The following PCDHGA9 variants were observed in gnomAD, a reference collection of about 807,000 sequenced individuals.
The protein encoded by PCDHGA9 is protocadherin gamma subfamily A, 9.
PCDHGA9 carries 37 observed loss-of-function variants against 62.5 expected under a neutral mutation model. The ratio of observed to expected loss-of-function variants is 0.59; its 90% CI spans 0.46 to 0.78. PCDHGA9 has a LOEUF of 0.78. Ranked by LOEUF, PCDHGA9 falls within the 30% of genes least tolerant of loss-of-function variation. The pLI, the probability that PCDHGA9 is intolerant of heterozygous loss-of-function variation, is 0.00. For missense variants in PCDHGA9, 1,138 were observed against 1,166.2 expected (o/e 0.98, Z 0.35); for synonymous variants, 459 against 484.6 (o/e 0.95, Z 0.69).
intron 1 of PCDHGA9, among the ~76,000 whole-genome samples, chr5:141,458,063 G>A (rs1011861177): frequency 1.3e-5 from 2 of 152,190 alleles, no homozygotes; most frequent in African/African-American, 4.8e-5. Context: ...CTGCACTGAT[G>A]CGAACAACTA....
intron 2 of PCDHGA9, among the ~76,000 whole-genome samples, chr5:141,501,620 T>G (rs1393018933): frequency 6.6e-6 from 1 of 152,090 alleles, no homozygotes; most frequent in Non-Finnish European, 1.5e-5. Context: ...GACTCTGGTA[T>G]AGTCTCTCAA....
At position 141,408,734 on chromosome 5, in the gene PCDHGA9, T is replaced by C. The variant is rs376769558; in HGVS notation, c.2424+3358T>C. 1.5e-4 allele frequency: 244 copies of C among 1,610,058 alleles called. No homozygotes were observed. The highest frequency in any genetic ancestry group is 1.9e-4 in the Non-Finnish European group (226 of 1,177,812). On this transcript the variant is annotated intron_variant, in intron 1 of 3. Transcript: ENST00000573521. ...TTATAAGATAAACTCTAATCCTTAT[T>C]TTTCATTAATGGTTAGAGTTAATTC...
chr5:141,405,467 T>G lies in PCDHGA9; in HGVS notation c.2424+91T>G. On this transcript the variant is annotated intron_variant, in intron 1 of 3. Transcript: ENST00000573521. The stretch of plus-strand genomic sequence containing the variant: ...CAGAGTCTTACTCTGTTACCCAGGC[T>G]GGAATGCAGTGGTGTGATCTCGGCT... 3.6e-6 allele frequency: 4 copies of G among 1,103,716 alleles called. No individual in the cohort carries two copies. The South Asian group carries it at 6.1e-5, about 17-fold the overall frequency. 68.4% of individuals were successfully genotyped at this position (1,103,716 alleles called of 1,614,324 possible). A position where few individuals can be genotyped will look rare whatever the true frequency, so the allele number is the denominator to read the frequency against.
intron 1 of PCDHGA9, among the ~76,000 whole-genome samples, chr5:141,447,082 T>A (rs1259827606): frequency 6.6e-6 from 1 of 152,156 alleles, no homozygotes; most frequent in Non-Finnish European, 1.5e-5. Flanking sequence ...ATTTTTGTTG[T>A]TTAATTTTCT....
intron 1 of PCDHGA9, chr5:141,478,834 A>G: frequency 7.0e-7 from 1 of 1,427,896 alleles, no homozygotes; most frequent in Non-Finnish European, 9.2e-7. Context: ...TTGCTAAGGG[A>G]TGGTTAAGCT....
intron 2 of PCDHGA9, among the ~76,000 whole-genome samples, chr5:141,500,881 T>G (rs940387787): frequency 1.0e-5 from 1 of 99,136 alleles, no homozygotes; most frequent in Non-Finnish European, 1.9e-5. Context: ...TTTACAATTT[T>G]TTTTTTTTGA....
chr5:141,449,588 CAAA>C (rs768743917), intron 1 of PCDHGA9, among the ~76,000 whole-genome samples: 1 of 57,486 alleles, frequency 1.7e-5, no homozygotes, highest in Non-Finnish European at 3.7e-5. Context: ...GACTCTGTCT[CAAA>C]AAAAAAAAAA....
At chr5:141,441,920 A>G (rs1276085080) in intron 1 of PCDHGA9, 8 of 352,988 alleles carry the variant, frequency 2.3e-5, no homozygotes, top group East Asian at 8.9e-5. Context: ...GTGAGACACA[A>G]TGCGTGGCTG....
chr5:141,413,842 G>C, intron 1 of PCDHGA9: 1 of 1,613,294 alleles, frequency 6.2e-7, no homozygotes, highest in Non-Finnish European at 8.5e-7. Flanking sequence ...CGACGGGGGT[G>C]ACCCTCTCCG....
At position 141,491,724 on chromosome 5, in the gene PCDHGA9, G is replaced by A; in HGVS notation, c.2425-3083G>A. ...AGGTGAGGGGCTCGGCGCCGCCCCGGGCGACCCCTGGGGGCGGCACTGGAG... is the reference window on the plus strand; with the variant it reads ...AGGTGAGGGGCTCGGCGCCGCCCCGAGCGACCCCTGGGGGCGGCACTGGAG... On this transcript the variant is annotated intron_variant, in intron 1 of 3. Coordinates refer to ENST00000573521, the MANE Select transcript of PCDHGA9 (RefSeq NM_018921.3). This position sits in a 1 kb window ranked among gnomAD's most constrained non-coding sequence, Gnocchi z 6.9. 1 of 1,606,454 alleles carries A rather than the reference G, an allele frequency of 6.2e-7. No individual in the cohort carries two copies. The highest frequency in any genetic ancestry group is 1.1e-5 in the South Asian group (1 of 90,304).
Position 141,485,495 on chromosome 5 carries a change from T to C in PCDHGA9, c.2425-9312T>C. 1 of 1,613,494 alleles carries C rather than the reference T, an allele frequency of 6.2e-7. No homozygotes were observed. Among genetic ancestry groups the C allele is most frequent in the African/African-American group, 1.3e-5 (1 of 74,780 alleles). On this transcript the variant is annotated intron_variant, in intron 1 of 3. Coordinates refer to ENST00000573521, the MANE Select transcript of PCDHGA9 (RefSeq NM_018921.3). This position sits in a 1 kb window ranked among gnomAD's most constrained non-coding sequence, Gnocchi z 5.7. ...TGCCAGCTGCATCGTGCCCCTGGAG[T>C]TTGTCACCGAAGGTCCTTTGGAAAT...
At chr5:141,421,967 T>C (rs760789458) in intron 1 of PCDHGA9, 2 of 1,611,174 alleles carry the variant, frequency 1.2e-6, no homozygotes, top group Admixed American at 3.4e-5. Flanking sequence ...ACACAGTCCG[T>C]ATATCGCGTG....
chr5:141,483,648 T>TTGTGTGTGTGTG (rs111458813), intron 1 of PCDHGA9, among the ~76,000 whole-genome samples: 51 of 149,708 alleles, frequency 3.4e-4, no homozygotes, highest in African/African-American at 1.2e-3. Context: ...GGGTGTGTGT[T>TTGTGTGTGTGTG]TGTGTGTGTG....
At position 141,476,606 on chromosome 5, in the gene PCDHGA9, G is replaced by T. The variant is rs2099394832; in HGVS notation, c.2425-18201G>T. The stretch of plus-strand genomic sequence containing the variant: ...GCTCGAGAGCGCGCACGATCCCGAT[G>T]TGGGAAGCAACTCTTTACAAACCTA... On this transcript the variant is annotated intron_variant, in intron 1 of 3. Transcript: ENST00000573521. The surrounding 1 kb of genome is among the most constrained non-coding windows in gnomAD (Gnocchi z 7.6). The T allele has an allele frequency of 1.9e-6, 3 of 1,614,126 alleles. No individual in the cohort carries two copies. Among genetic ancestry groups the T allele is most frequent in the Non-Finnish European group, 1.7e-6 (2 of 1,180,054 alleles).
In PCDHGA9 at chr5:141,404,210, A is replaced by G. The variant is rs927879028; in HGVS notation, c.1258A>G (p.Ile420Val). The G allele has an allele frequency of 6.8e-6, 11 of 1,613,840 alleles. No homozygotes were observed. Among genetic ancestry groups the G allele is most frequent in the Non-Finnish European group, 9.3e-6 (11 of 1,179,788 alleles). The change falls in exon 1 of 4, where the codon ATC (isoleucine) becomes GTC (valine). Residue 420 changes from isoleucine to valine, a missense_variant. Physicochemically the swap from Ile to Val is conservative, Grantham distance 29. Transcript: ENST00000573521. Reference protein sequence around the residue: ...LDREKASEYNITVTATDRGTP... With the variant: ...LDREKASEYNVTVTATDRGTP... ...CCGAGAAAAAGCCTCAGAATATAAT[A>G]TCACGGTGACTGCAACAGACAGAGG...
rs1352663124 is a variant in PCDHGA9, at chr5:141,405,262, C to T, written c.2310C>T (p.Phe770=). Residue 770 remains phenylalanine, a synonymous_variant, in exon 1 of 4, where the codon TTC becomes TTT. Coordinates refer to ENST00000573521, the MANE Select transcript of PCDHGA9 (RefSeq NM_018921.3). The part of the protein sequence containing the change: ...TADSRKSHLI[F]PQPNYADTLI... ...ACTCAAGGAAGAGTCACCTGATCTT[C>T]CCCCAGCCCAACTATGCAGACACAC... 3 of 1,614,012 alleles carry T rather than the reference C, an allele frequency of 1.9e-6. No individual in the cohort carries two copies. Among genetic ancestry groups the T allele is most frequent in the Non-Finnish European group, 2.5e-6 (3 of 1,179,998 alleles).
At chr5:141,409,352 T>G in intron 1 of PCDHGA9, 1 of 1,613,980 alleles carries the variant, frequency 6.2e-7, no homozygotes, top group Non-Finnish European at 8.5e-7. Flanking sequence ...AGAAGTCAGG[T>G]GTAATATAGA....
At chr5:141,414,090 A>C (rs2095707874) in intron 1 of PCDHGA9, 4 of 1,598,352 alleles carry the variant, frequency 2.5e-6, no homozygotes, top group Non-Finnish European at 3.4e-6. Context: ...CTGGAGAAAT[A>C]AAAATATCAG....
chr5:141,494,751 G>A, intron 1 of PCDHGA9, 56 bp from the exon 2 acceptor site: 2 of 1,613,426 alleles, frequency 1.2e-6, no homozygotes, highest in Non-Finnish European at 8.5e-7. Flanking sequence ...AGGGGCTCGG[G>A]TGACATTCTA....
Sources: gnomAD v4.1 joint callset for allele counts (sites outside exome capture counted in the v4.1 genomes callset) on GRCh38, gnomAD v4.1.1 for gene constraint, Gnocchi (gnomAD v3.1) non-coding constraint, MANE v1.5 for transcripts, NCBI Gene and HGNC (gene_info 2026-07-23, HGNC 2026-07-21) for gene names.